TENM2: variants seen among roughly 807,000 people sequenced by gnomAD.
TENM2 encodes the protein teneurin transmembrane protein 2.
Under a neutral mutation model 245.2 loss-of-function variants are expected in TENM2, and 52 were observed. The observed-to-expected ratio is 0.21, with a 90% CI of 0.17 to 0.27. TENM2 has a LOEUF of 0.27. TENM2 is among the 10% of genes least tolerant of loss of function. The probability of loss-of-function intolerance (pLI) is 1.00; values close to 1 mark genes in which losing one functional copy is unlikely to be tolerated. For synonymous variants in TENM2, 1,363 were observed against 1,438.9 expected, an observed-to-expected ratio of 0.95 and a Z score of 1.19; for missense variants, 3,046 against 3,666.8, an observed-to-expected ratio of 0.83 and a Z score of 4.37.
intron 1 of TENM2, among the ~76,000 whole-genome samples, chr5:167,347,795 G>C (rs934549474): frequency 1.3e-5 from 2 of 151,574 alleles, no homozygotes; most frequent in African/African-American, 2.4e-5. Flanking sequence ...TATATACCCA[G>C]TACTGTTGTA....
intron 2 of TENM2, among the ~76,000 whole-genome samples, chr5:167,873,495 G>A (rs1432271207): frequency 6.6e-6 from 1 of 151,968 alleles, no homozygotes; most frequent in Non-Finnish European, 1.5e-5. Flanking sequence ...AACCTCTCTG[G>A]GTCTCAGTTT....
intron 9 of TENM2, among the ~76,000 whole-genome samples, chr5:168,108,056 G>A (rs1794393845): frequency 6.6e-6 from 1 of 152,190 alleles, no homozygotes; most frequent in African/African-American, 2.4e-5. Context: ...TTGAATAGAG[G>A]AAGCAAGGCT....
At chr5:167,899,854 A>G (rs1775541994) in intron 3 of TENM2, among the ~76,000 whole-genome samples, 1 of 152,044 alleles carries the variant, frequency 6.6e-6, no homozygotes, top group African/African-American at 2.4e-5. Context: ...ACGGCATCCG[A>G]CTCTTACAAA....
At chr5:168,001,902 T>A (rs928255558) in intron 5 of TENM2, among the ~76,000 whole-genome samples, 2 of 152,244 alleles carry the variant, frequency 1.3e-5, no homozygotes, top group African/African-American at 4.8e-5. Context: ...GATAATGCAT[T>A]GCATGTTCTG....
intron 2 of TENM2, among the ~76,000 whole-genome samples, chr5:167,752,884 G>T (rs1762053196): frequency 6.6e-6 from 1 of 152,146 alleles, no homozygotes; most frequent in African/African-American, 2.4e-5. Context: ...AGTTATATGG[G>T]TCTATACACA....
rs1479547716 is a variant in TENM2 at position 167,952,669 on chromosome 5, C to G, written c.794C>G (p.Ser265Trp). The G allele has an allele frequency of 2.5e-6, 4 of 1,612,972 alleles. No homozygotes were observed. Among genetic ancestry groups the G allele is most frequent in the Admixed American group, 3.3e-5 (2 of 59,924 alleles). The change falls in exon 4 of 29, where the codon TCG (serine) becomes TGG (tryptophan). Residue 265 changes from serine to tryptophan, a missense_variant. By Grantham distance (177) the Ser-to-Trp change is radical (BLOSUM62 -3). Around this residue, in one of 2 missense-constraint regions of TENM2, gnomAD observed 2,704 missense variants for 3,331.9 expected, o/e 0.81. Transcript: ENST00000518659. Reference sequence around the variant, plus strand: ...AACCACACGCTGTCCCATCACCACTCGTCCGCCAACTCCCTCAACAGGAAC... The same window carrying G: ...AACCACACGCTGTCCCATCACCACTGGTCCGCCAACTCCCTCAACAGGAAC...
At chr5:167,428,207 T>TA (rs2127437046) in intron 2 of TENM2, among the ~76,000 whole-genome samples, 1 of 152,316 alleles carries the variant, frequency 6.6e-6, no homozygotes, top group South Asian at 2.1e-4. Context: ...ATGAGTTTTT[T>TA]AAAAAATTAA....
intron 2 of TENM2, among the ~76,000 whole-genome samples, chr5:167,425,344 A>T (rs1472678779): frequency 6.6e-6 from 1 of 152,198 alleles, no homozygotes. Flanking sequence ...GTCAACAAGT[A>T]TCTTGACCTT....
At chr5:167,261,049 A>G in the TENM2 span, among the ~76,000 whole-genome samples, 2 of 152,166 alleles carry the variant, frequency 1.3e-5, no homozygotes, top group African/African-American at 4.8e-5. Flanking sequence ...TTCTCAAAGT[A>G]TGGTCCCAGG....
At chr5:167,752,403 C>T (rs191493524) in intron 2 of TENM2, among the ~76,000 whole-genome samples, 6 of 151,902 alleles carry the variant, frequency 3.9e-5, no homozygotes, top group Admixed American at 1.3e-4. Context: ...TGTAAGCCAC[C>T]GTACCTGGCC....
At chr5:168,204,259 TC>T in intron 18 of TENM2, 112 bp from the exon 21 acceptor site, 2 of 1,166,296 alleles carry the variant, frequency 1.7e-6, no homozygotes, top group Non-Finnish European at 2.4e-6. Flanking sequence ...GTTGGAGAGC[TC>T]CCCGAGCACT....
the TENM2 span, among the ~76,000 whole-genome samples, chr5:167,210,365 TGTC>T: frequency 2.3e-3 from 348 of 152,248 alleles, 3 homozygotes; most frequent in African/African-American, 7.2e-3. Context: ...TTAGACAATT[TGTC>T]CTACCTAAAA....
intron 2 of TENM2, among the ~76,000 whole-genome samples, chr5:167,586,646 T>A (rs2127696193): frequency 6.6e-6 from 1 of 152,268 alleles, no homozygotes; most frequent in East Asian, 1.9e-4. Flanking sequence ...TATTCTTGAA[T>A]AAGAAAATAT....
At chr5:166,996,134 G>T in the TENM2 span, among the ~76,000 whole-genome samples, 2 of 152,158 alleles carry the variant, frequency 1.3e-5, no homozygotes, top group African/African-American at 4.8e-5. Context: ...ACCAGGTCAG[G>T]AGATCAAGAC....
intron 3 of TENM2, among the ~76,000 whole-genome samples, chr5:167,930,218 C>T (rs1453597748): frequency 6.6e-6 from 1 of 152,030 alleles, no homozygotes; most frequent in African/African-American, 2.4e-5. Flanking sequence ...GAATGGTAGT[C>T]GTGACATGGC....
the TENM2 span, among the ~76,000 whole-genome samples, chr5:167,178,539 A>C: frequency 6.6e-6 from 1 of 152,114 alleles, no homozygotes; most frequent in Non-Finnish European, 1.5e-5. Context: ...GCGGAGCCTC[A>C]CCATCACAAA....
the TENM2 span, among the ~76,000 whole-genome samples, chr5:166,990,116 A>G: frequency 6.6e-6 from 1 of 152,268 alleles, no homozygotes; most frequent in African/African-American, 2.4e-5. Context: ...GTAATAAATA[A>G]TAATGTGGGA....
intron 3 of TENM2, among the ~76,000 whole-genome samples, chr5:167,921,052 C>G (rs943763358): frequency 1.3e-5 from 2 of 152,036 alleles, no homozygotes; most frequent in Non-Finnish European, 1.5e-5. Context: ...TCTCAAGCAC[C>G]CAAAGATTTA....
rs116797906 is a variant in TENM2 at position 167,900,832 on chromosome 5, G to C, written c.712+24637G>C. Among the ~76,000 whole-genome samples the C allele has an allele frequency of 8.2e-3, 1,251 of 151,882 alleles. 15 individuals are homozygous for C. Among genetic ancestry groups the C allele is most frequent in the African/African-American group, 0.028 (1,174 of 41,382 alleles). ...CAGGAAGACTGGAGTGATTGGGGTGGGGGGGTGAGGTGGGATTGAGGCCTT... is the reference window on the plus strand; with the variant it reads ...CAGGAAGACTGGAGTGATTGGGGTGCGGGGGTGAGGTGGGATTGAGGCCTT... On this transcript the variant is annotated intron_variant, in intron 3 of 28. Transcript: ENST00000518659.
Sources: gnomAD v4.1 joint callset for allele counts (sites outside exome capture counted in the v4.1 genomes callset) on GRCh38, gnomAD v4.1.1 for gene constraint, gnomAD v4.1.1 regional missense constraint, MANE v1.5 for transcripts, NCBI Gene and HGNC (gene_info 2026-07-23, HGNC 2026-07-21) for gene names.